Variants in WDR70 observed in about 807,000 individuals in gnomAD.
The protein encoded by WDR70 is WD repeat domain 70, also known as WD repeat-containing protein 70.
Under a neutral mutation model 88.6 loss-of-function variants are expected in WDR70, and 53 were observed. The observed-to-expected ratio is 0.60, with a 90% CI of 0.48 to 0.75. The LOEUF (loss-of-function observed/expected upper bound fraction) is 0.75. Among genes scored for constraint, WDR70 ranks in the 30% least tolerant of loss-of-function variants. The pLI, the probability that WDR70 is intolerant of heterozygous loss-of-function variation, is 0.00. For missense variants in WDR70, 610 were observed against 823.2 expected, an observed-to-expected ratio of 0.74 and a Z score of 3.17; for synonymous variants, 280 against 270.0, an observed-to-expected ratio of 1.04 and a Z score of -0.36.
At chr5:37,584,488 A>T (rs576266592) in intron 9 of WDR70, among the ~76,000 whole-genome samples, 1 of 152,080 alleles carries the variant, frequency 6.6e-6, no homozygotes, top group African/African-American at 2.4e-5. Flanking sequence ...AAAATCATCA[A>T]TTCCCTTTCA....
At chr5:37,749,470 A>C (rs1287176800) in intron 17 of WDR70, among the ~76,000 whole-genome samples, 1 of 152,110 alleles carries the variant, frequency 6.6e-6, no homozygotes, top group Non-Finnish European at 1.5e-5. Flanking sequence ...AAAGGAACTT[A>C]GAGGACAGGT....
chr5:37,459,171 AT>A (rs1278594819), intron 7 of WDR70, among the ~76,000 whole-genome samples: 1 of 69,722 alleles, frequency 1.4e-5, no homozygotes, highest in Non-Finnish European at 3.1e-5. Flanking sequence ...TTCTAGTTTG[AT>A]TGCACTGTGG....
intron 16 of WDR70, among the ~76,000 whole-genome samples, chr5:37,726,125 G>C (rs1297356592): frequency 6.6e-6 from 1 of 152,016 alleles, no homozygotes; most frequent in Non-Finnish European, 1.5e-5. Context: ...CTTTCATAAA[G>C]ACCTGTTCAA....
At chr5:37,396,593 A>G (rs745398410) in intron 5 of WDR70, 23 bp downstream of exon 5, 1 of 1,578,822 alleles carries the variant, frequency 6.3e-7, no homozygotes, top group East Asian at 2.3e-5. Flanking sequence ...GTGGTAATTT[A>G]AGAATTCGGT....
At chr5:37,646,849 G>A (rs1745254083) in intron 10 of WDR70, among the ~76,000 whole-genome samples, 1 of 151,794 alleles carries the variant, frequency 6.6e-6, no homozygotes, top group African/African-American at 2.4e-5. Flanking sequence ...CTTTTTTTAG[G>A]TTAAATCTGC....
chr5:37,406,626 C>A (rs895745029), intron 5 of WDR70, among the ~76,000 whole-genome samples: 1 of 152,116 alleles, frequency 6.6e-6, no homozygotes, highest in African/African-American at 2.4e-5. Context: ...GTATAAAGAA[C>A]CCTTAGAATA....
At chr5:37,736,335 T>C (rs1287796223) in intron 17 of WDR70, among the ~76,000 whole-genome samples, 1 of 152,174 alleles carries the variant, frequency 6.6e-6, no homozygotes, top group African/African-American at 2.4e-5. Context: ...TATATGAATA[T>C]GTGTGTATGT....
intron 9 of WDR70, among the ~76,000 whole-genome samples, chr5:37,545,287 A>G (rs1395181309): frequency 1.3e-5 from 2 of 152,160 alleles, no homozygotes; most frequent in Non-Finnish European, 2.9e-5. Flanking sequence ...TGTTGGTCCT[A>G]GCTTTTTAGA....
intron 7 of WDR70, among the ~76,000 whole-genome samples, chr5:37,453,629 T>G (rs1220074769): frequency 6.6e-6 from 1 of 152,214 alleles, no homozygotes; most frequent in Non-Finnish European, 1.5e-5. Flanking sequence ...TATGGCCAGT[T>G]TTGGGGCCAG....
chr5:37,395,598 A>T (rs1748985031), intron 4 of WDR70, among the ~76,000 whole-genome samples: 1 of 152,188 alleles, frequency 6.6e-6, no homozygotes, highest in East Asian at 1.9e-4. Flanking sequence ...CTTGTATTTC[A>T]GAAATTATAT....
At chr5:37,689,826 G>A (rs193245484) in intron 10 of WDR70, among the ~76,000 whole-genome samples, 3 of 152,288 alleles carry the variant, frequency 2.0e-5, no homozygotes, top group South Asian at 2.1e-4. Flanking sequence ...GCAGCTCCTC[G>A]CCAGCAATGG....
intron 9 of WDR70, among the ~76,000 whole-genome samples, chr5:37,573,992 A>T (rs1742984313): frequency 6.6e-6 from 1 of 152,060 alleles, no homozygotes; most frequent in Non-Finnish European, 1.5e-5. Flanking sequence ...CAAGATTTTT[A>T]TTGAGGGGAG....
chr5:37,386,707 T>G (rs368829616), intron 3 of WDR70, among the ~76,000 whole-genome samples: 4 of 152,188 alleles, frequency 2.6e-5, no homozygotes, highest in East Asian at 3.8e-4. Context: ...GTAAAATAGG[T>G]TCTCAGTAAT....
chr5:37,385,174 C>T (rs1480499701), intron 3 of WDR70, among the ~76,000 whole-genome samples: 1 of 151,994 alleles, frequency 6.6e-6, no homozygotes, highest in Non-Finnish European at 1.5e-5. Flanking sequence ...GCACCAACTC[C>T]CCAGCATACC....
intron 10 of WDR70, among the ~76,000 whole-genome samples, chr5:37,688,693 T>C (rs147123539): frequency 1.6e-4 from 15 of 93,042 alleles, no homozygotes; most frequent in African/African-American, 4.5e-4. Flanking sequence ...AATGATCATT[T>C]AAAAATAAGC....
chr5:37,413,185 G>A (rs1332537444), intron 5 of WDR70, among the ~76,000 whole-genome samples: 1 of 152,120 alleles, frequency 6.6e-6, no homozygotes, highest in African/African-American at 2.4e-5. Context: ...AACTGCTAAT[G>A]TGTGAAAATG....
intron 9 of WDR70, among the ~76,000 whole-genome samples, chr5:37,535,157 A>T (rs985328293): frequency 6.6e-6 from 1 of 152,130 alleles, no homozygotes; most frequent in African/African-American, 2.4e-5. Context: ...TTAAAGCAAA[A>T]CGATAAAGAG....
chr5:37,611,208 TTC>T (rs1454480892), intron 10 of WDR70, among the ~76,000 whole-genome samples: 1 of 152,188 alleles, frequency 6.6e-6, no homozygotes, highest in Non-Finnish European at 1.5e-5. Context: ...TTGAACATTT[TTC>T]TCTCACACCT....
chr5:37,480,745 A>T (rs1005264612), intron 8 of WDR70, among the ~76,000 whole-genome samples: 2 of 152,114 alleles, frequency 1.3e-5, no homozygotes, highest in African/African-American at 4.8e-5. Flanking sequence ...CCGAAATCTC[A>T]TGTCCTCACA....
Sources: gnomAD v4.1 joint callset for allele counts (sites outside exome capture counted in the v4.1 genomes callset) on GRCh38, gnomAD v4.1.1 for gene constraint, MANE v1.5 for transcripts, NCBI Gene and HGNC (gene_info 2026-07-23, HGNC 2026-07-21) for gene names.